The following ANK3 variants were observed in gnomAD, a reference collection of about 807,000 sequenced individuals.
ANK3 encodes ankyrin-3.
A neutral mutation model predicts 370.9 loss-of-function variants in ANK3; 57 were observed. The ratio of observed to expected loss-of-function variants is 0.15; its 90% CI spans 0.12 to 0.19. The LOEUF is 0.19. ANK3 is among the 10% of genes least tolerant of loss of function. ANK3 has a pLI of 1.00. For missense variants in ANK3, 4,439 were observed against 5,302.1 expected (o/e 0.84, Z 5.06); for synonymous variants, 1,929 against 1,946.3 (o/e 0.99, Z 0.23).
intron 2 of ANK3, among the ~76,000 whole-genome samples, chr10:60,541,012 A>G (rs1256845395): frequency 6.6e-6 from 1 of 151,974 alleles, no homozygotes; most frequent in African/African-American, 2.4e-5. Flanking sequence ...GGTTTACTAA[A>G]CTATGATATA....
intron 39 of ANK3, 131 bp from the exon 40 acceptor site, chr10:60,063,385 C>T: frequency 1.2e-6 from 1 of 852,142 alleles, no homozygotes; most frequent in East Asian, 2.7e-5. Flanking sequence ...TCTCTGCAAT[C>T]TCCCTATCCA....
At chr10:60,511,155 T>C (rs1212412597) in intron 2 of ANK3, among the ~76,000 whole-genome samples, 1 of 152,196 alleles carries the variant, frequency 6.6e-6, no homozygotes, top group African/African-American at 2.4e-5. Context: ...TAAGCAGGCA[T>C]ATTCATGAGC....
intron 7 of ANK3, among the ~76,000 whole-genome samples, chr10:60,259,149 T>G (rs2097772342): frequency 6.6e-6 from 1 of 152,208 alleles, no homozygotes; most frequent in Non-Finnish European, 1.5e-5. Flanking sequence ...AAAGTGGAGA[T>G]GCTAGATTAT....
At chr10:60,140,226 A>G in intron 23 of ANK3, 1 of 1,037,642 alleles carries the variant, frequency 9.6e-7, no homozygotes, top group Non-Finnish European at 1.5e-6. Context: ...AAACAGATCA[A>G]CTTTCTACTG....
chr10:60,102,700 C>T (rs2091484321), intron 28 of ANK3, among the ~76,000 whole-genome samples: 1 of 152,126 alleles, frequency 6.6e-6, no homozygotes, highest in Admixed American at 6.5e-5. Context: ...GTTAATAAAT[C>T]AGAATATTTG....
At chr10:60,262,083 G>T in intron 6 of ANK3, 126 bp from the exon 7 acceptor site, 1 of 736,248 alleles carries the variant, frequency 1.4e-6, no homozygotes, top group Non-Finnish European at 2.2e-6. Context: ...GTTCCATTCT[G>T]TACTAGGTTT....
chr10:60,264,302 C>T (rs999392453), intron 5 of ANK3, among the ~76,000 whole-genome samples: 4 of 151,806 alleles, frequency 2.6e-5, no homozygotes, highest in Admixed American at 1.3e-4. Context: ...TGAAAGTGTA[C>T]AAAAATACTA....
At chr10:60,193,051 C>G (rs1455667954) in intron 16 of ANK3, among the ~76,000 whole-genome samples, 2 of 151,892 alleles carry the variant, frequency 1.3e-5, no homozygotes, top group East Asian at 3.9e-4. Context: ...GAAAAAGTTC[C>G]TGACCAGTAC....
At chr10:60,469,081 A>ATATATATACCACTTTTAG (rs2065097510) in intron 2 of ANK3, among the ~76,000 whole-genome samples, 2 of 80,400 alleles carry the variant, frequency 2.5e-5, no homozygotes, top group Non-Finnish European at 4.8e-5. Flanking sequence ...ATATATATAT[A>ATATATATACCACTTTTAG]TATATATATA....
intron 2 of ANK3, among the ~76,000 whole-genome samples, chr10:60,547,342 C>T (rs1023954248): frequency 2.6e-5 from 4 of 152,192 alleles, no homozygotes; most frequent in South Asian, 4.1e-4. Flanking sequence ...CCACTCGCTT[C>T]GGCCTCCCAA....
At chr10:60,357,741 C>T (rs1314468009) in intron 1 of ANK3, among the ~76,000 whole-genome samples, 2 of 151,976 alleles carry the variant, frequency 1.3e-5, no homozygotes, top group South Asian at 4.2e-4. Flanking sequence ...TTCTTTAAAC[C>T]CTCTTCATTT....
Position 60,074,814 on chromosome 10 carries a change from C to T in ANK3, c.6067G>A (p.Ala2023Thr), listed in dbSNP as rs146929899. Residue 2023 changes from alanine (A) to threonine (T), a missense_variant, in exon 37 of 44, where the codon GCC becomes ACC. Ala to Thr is a moderately conservative substitution (Grantham distance 58). Transcript: ENST00000280772. ...GTCAAGTTATAATCCTTTTCGGAGG[C>T]GGCTTTTGCTTTTACTTGCACTCTC... ...PERVQVKAKA[A>T]SEKDYNLTKV... 360 of 1,613,848 alleles carry T rather than the reference C, an allele frequency of 2.2e-4. No individual in the cohort carries two copies. Among genetic ancestry groups the T allele is most frequent in the Admixed American group, 5.7e-4 (34 of 59,956 alleles).
At position 60,072,336 on chromosome 10, in the gene ANK3, T is replaced by C. The variant is rs1267898689; in HGVS notation, c.8545A>G (p.Lys2849Glu). 8.1e-6 allele frequency: 13 copies of C among 1,613,868 alleles called. No homozygotes were observed. The highest frequency in any genetic ancestry group is 1.1e-5 in the Non-Finnish European group (13 of 1,179,990). ...SDLATRGPWD[K>E]KVFRTWESSG... Reference sequence around the variant, plus strand: ...CTCTCCCATGTTCTAAAGACCTTTTTGTCCCATGGTCCCCTAGTTGCTAAA... The same window carrying C: ...CTCTCCCATGTTCTAAAGACCTTTTCGTCCCATGGTCCCCTAGTTGCTAAA... The change falls in exon 37 of 44, where the codon AAA becomes GAA. Residue 2849 changes from lysine (K) to glutamate (E), a missense_variant. Lys to Glu is a moderately conservative substitution (Grantham distance 56). Coordinates refer to ENST00000280772, the MANE Select transcript of ANK3 (RefSeq NM_020987.5).
intron 18 of ANK3, among the ~76,000 whole-genome samples, chr10:60,176,540 T>C (rs1189624829): frequency 6.6e-6 from 1 of 151,960 alleles, no homozygotes; most frequent in East Asian, 1.9e-4. Context: ...GGCCGGCGGA[T>C]CACCCGAGGT....
intron 40 of ANK3, chr10:60,062,879 C>T (rs2080876174): frequency 6.0e-6 from 2 of 334,704 alleles, no homozygotes; most frequent in Non-Finnish European, 1.1e-5. Context: ...TTTCAGATAC[C>T]TTAGGCGTTC....
At chr10:60,336,121 C>T (rs1260823888) in intron 1 of ANK3, among the ~76,000 whole-genome samples, 1 of 151,496 alleles carries the variant, frequency 6.6e-6, no homozygotes, top group African/African-American at 2.4e-5. Context: ...AAGGAGCAGG[C>T]AAAAGTCACA....
chr10:60,557,425 G>A (rs2077233503), intron 2 of ANK3, among the ~76,000 whole-genome samples: 2 of 152,128 alleles, frequency 1.3e-5, no homozygotes, highest in Non-Finnish European at 2.9e-5. Flanking sequence ...GGAACATCAA[G>A]AATGGGAAAA....
At chr10:60,382,797 CTATATATATATA>C (rs5785442) in intron 1 of ANK3, among the ~76,000 whole-genome samples, 1,562 of 133,760 alleles carry the variant, frequency 0.012, 37 homozygotes, top group African/African-American at 0.041. Context: ...ATACCTAAAT[CTATATATATATA>C]TATATATATA....
At chr10:60,162,149 A>C (rs1366766643) in intron 23 of ANK3, among the ~76,000 whole-genome samples, 7 of 152,182 alleles carry the variant, frequency 4.6e-5, no homozygotes, top group Non-Finnish European at 1.0e-4. Context: ...AGCTAAAAAT[A>C]TGCATTCTTG....
Sources: gnomAD v4.1 joint callset for allele counts (sites outside exome capture counted in the v4.1 genomes callset) on GRCh38, gnomAD v4.1.1 for gene constraint, MANE v1.5 for transcripts, NCBI Gene and HGNC (gene_info 2026-07-23, HGNC 2026-07-21) for gene names.